KCNIP4: variants seen among roughly 807,000 people sequenced by gnomAD.
The protein encoded by KCNIP4 is Kv channel-interacting protein 4.
KCNIP4 carries 12 observed loss-of-function variants against 34.0 expected under a neutral mutation model. The observed-to-expected ratio is 0.35, with a 90% CI of 0.23 to 0.57. The LOEUF (loss-of-function observed/expected upper bound fraction) is 0.57, where lower values mean the gene tolerates loss of function less well. Ranked by LOEUF, KCNIP4 falls within the 20% of genes least tolerant of loss-of-function variation. The pLI, the probability that KCNIP4 is intolerant of heterozygous loss-of-function variation, is 0.83. For synonymous variants in KCNIP4, 124 were observed against 102.2 expected (o/e 1.21, Z -1.29); for missense variants, 238 against 311.7 (o/e 0.76, Z 1.78).
intron 1 of KCNIP4, among the ~76,000 whole-genome samples, chr4:21,223,410 T>C (rs567958290): frequency 6.6e-6 from 1 of 152,284 alleles, no homozygotes; most frequent in South Asian, 2.1e-4. Flanking sequence ...ACAGAATAAA[T>C]CTGTGTTGTT....
intron 2 of KCNIP4, among the ~76,000 whole-genome samples, chr4:20,864,084 G>A (rs543135719): frequency 2.1e-4 from 30 of 143,466 alleles, no homozygotes; most frequent in Middle Eastern, 3.6e-3. Context: ...ATGTATGTAT[G>A]TATATGCATG....
rs975000091 is a variant in KCNIP4 at position 21,518,059 on chromosome 4, C to T, written c.61+430512G>A. On this transcript the variant is annotated intron_variant, in intron 1 of 8. Coordinates refer to ENST00000382152, the MANE Select transcript of KCNIP4 (RefSeq NM_025221.6). Reference sequence around the variant, plus strand: ...GGTCATACTGCTAGTAAGAATTGAACATGAGATTTCCCATCCCAAGACTTT... The same window carrying T: ...GGTCATACTGCTAGTAAGAATTGAATATGAGATTTCCCATCCCAAGACTTT... Among the ~76,000 whole-genome samples, 173 of 152,264 alleles carry T rather than the reference C, an allele frequency of 1.1e-3. 2 individuals are homozygous for T. The highest frequency in any genetic ancestry group is 1.3e-4 in the Non-Finnish European group (9 of 68,028).
At chr4:21,463,202 A>C (rs1729624921) in intron 1 of KCNIP4, among the ~76,000 whole-genome samples, 1 of 152,096 alleles carries the variant, frequency 6.6e-6, no homozygotes, top group Non-Finnish European at 1.5e-5. Context: ...TTTTGATAGA[A>C]GTCATTCTAA....
chr4:21,008,427 C>A (rs1365247003), intron 1 of KCNIP4, among the ~76,000 whole-genome samples: 1 of 152,144 alleles, frequency 6.6e-6, no homozygotes, highest in East Asian at 1.9e-4. Flanking sequence ...GCTATAAAAT[C>A]TTTATTAAAA....
intron 1 of KCNIP4, among the ~76,000 whole-genome samples, chr4:20,900,964 A>G (rs1727097632): frequency 6.6e-6 from 1 of 152,220 alleles, no homozygotes; most frequent in Non-Finnish European, 1.5e-5. Flanking sequence ...GAGCAAACAC[A>G]TTGAATTCAA....
chr4:21,023,716 A>G (rs1258987972), intron 1 of KCNIP4, among the ~76,000 whole-genome samples: 2 of 151,996 alleles, frequency 1.3e-5, no homozygotes, highest in Non-Finnish European at 2.9e-5. Flanking sequence ...CCCTATCTCT[A>G]CAAAAAAATT....
intron 1 of KCNIP4, among the ~76,000 whole-genome samples, chr4:21,594,885 C>T (rs1742509227): frequency 1.3e-5 from 2 of 151,888 alleles, no homozygotes; most frequent in Admixed American, 6.6e-5. Context: ...TGGCACATTC[C>T]ATTTGGAATA....
intron 1 of KCNIP4, among the ~76,000 whole-genome samples, chr4:21,371,936 A>G (rs1418471932): frequency 1.4e-5 from 2 of 147,044 alleles, no homozygotes; most frequent in Non-Finnish European, 2.9e-5. Context: ...ATTTATGAGT[A>G]GCTTACACAC....
intron 1 of KCNIP4, among the ~76,000 whole-genome samples, chr4:21,338,757 C>T (rs1420418905): frequency 6.6e-6 from 1 of 152,042 alleles, no homozygotes; most frequent in East Asian, 1.9e-4. Flanking sequence ...CCTCCAAGCA[C>T]ACGTTAATCC....
intron 1 of KCNIP4, among the ~76,000 whole-genome samples, chr4:21,920,921 G>A (rs140783680): frequency 2.0e-5 from 3 of 151,718 alleles, no homozygotes; most frequent in African/African-American, 2.4e-5. Flanking sequence ...GTTCTACCTC[G>A]TGTTAATCTT....
chr4:20,888,115 G>C (rs936409310), intron 1 of KCNIP4, among the ~76,000 whole-genome samples: 5 of 151,834 alleles, frequency 3.3e-5, no homozygotes, highest in Non-Finnish European at 5.9e-5. Flanking sequence ...AACTCCAATA[G>C]AGGAATTAAA....
chr4:20,935,912 A>T (rs1405408534), intron 1 of KCNIP4, among the ~76,000 whole-genome samples: 1 of 151,414 alleles, frequency 6.6e-6, no homozygotes, highest in African/African-American at 2.4e-5. Flanking sequence ...CCTCTTCATG[A>T]GCATCAACAA....
intron 1 of KCNIP4, among the ~76,000 whole-genome samples, chr4:21,096,380 A>G (rs1033988761): frequency 3.9e-5 from 6 of 152,114 alleles, no homozygotes; most frequent in Non-Finnish European, 7.4e-5. Context: ...AGCTGTTTAC[A>G]TTTTCCATAT....
intron 1 of KCNIP4, among the ~76,000 whole-genome samples, chr4:21,365,529 TAAAGAAAG>T (rs1365919586): frequency 0.032 from 1,241 of 39,296 alleles, 24 homozygotes; most frequent in African/African-American, 0.13. Flanking sequence ...AAATAAAAAA[TAAAGAAAG>T]AAAAGAAAAA....
At chr4:21,741,208 G>GGGA (rs1297877730) in intron 1 of KCNIP4, among the ~76,000 whole-genome samples, 13 of 152,206 alleles carry the variant, frequency 8.5e-5, no homozygotes, top group Non-Finnish European at 1.8e-4. Flanking sequence ...TTCATTTACT[G>GGGA]GGAAAAGAGC....
intron 1 of KCNIP4, among the ~76,000 whole-genome samples, chr4:21,568,932 TG>T (rs1165885437): frequency 6.6e-6 from 1 of 152,088 alleles, no homozygotes; most frequent in Non-Finnish European, 1.5e-5. Context: ...GGAAAAACTC[TG>T]GGTAATGCTT....
chr4:21,912,628 C>A (rs763389708), intron 1 of KCNIP4, among the ~76,000 whole-genome samples: 11 of 152,104 alleles, frequency 7.2e-5, no homozygotes, highest in Non-Finnish European at 5.9e-5. Flanking sequence ...AGGAGCAGAT[C>A]TGGAAACACA....
chr4:21,748,038 T>C (rs577704688), intron 1 of KCNIP4, among the ~76,000 whole-genome samples: 1 of 152,282 alleles, frequency 6.6e-6, no homozygotes, highest in East Asian at 1.9e-4. Context: ...AGAGAGACCC[T>C]GACCCTGCTG....
rs1228398005 is a variant in KCNIP4 at position 21,093,926 on chromosome 4, C to CA, written c.62-211218dup. On this transcript the variant is annotated intron_variant, in intron 1 of 8. Coordinates refer to ENST00000382152, the MANE Select transcript of KCNIP4 (RefSeq NM_025221.6). ...TTAAACCCCATCTCTACTAAAAATA[C>CA]AAAAAATTAGCCAGGCGTGGTGGCG... 3.3e-5 allele frequency among the ~76,000 whole-genome samples: 5 copies of CA among 151,894 alleles called. No homozygotes were observed. In the East Asian group the frequency reaches 5.8e-4, roughly 18 times the overall value.
Sources: gnomAD v4.1 joint callset for allele counts (sites outside exome capture counted in the v4.1 genomes callset) on GRCh38, gnomAD v4.1.1 for gene constraint, MANE v1.5 for transcripts, NCBI Gene and HGNC (gene_info 2026-07-23, HGNC 2026-07-21) for gene names.